Variants in PCDHGA7 observed in about 807,000 individuals in gnomAD.
PCDHGA7 encodes protocadherin gamma subfamily A, 7, also known as protocadherin gamma-A7.
Under a neutral mutation model 58.3 loss-of-function variants are expected in PCDHGA7, and 44 were observed. The ratio of observed to expected loss-of-function variants is 0.75; its 90% CI spans 0.59 to 0.97. PCDHGA7 has a LOEUF of 0.97. Ranked by LOEUF, PCDHGA7 falls within the 50% of genes least tolerant of loss-of-function variation. PCDHGA7 has a pLI of 0.00. For missense variants in PCDHGA7, 1,266 were observed against 1,188.7 expected (o/e 1.06, Z -0.96); for synonymous variants, 516 against 504.2 (o/e 1.02, Z -0.31).
In PCDHGA7 at chr5:141,490,007, C is replaced by T. The variant is rs766407642; in HGVS notation, c.2425-4800C>T. On this transcript the variant is annotated intron_variant, in intron 1 of 3. Coordinates refer to ENST00000518325, the MANE Select transcript of PCDHGA7 (RefSeq NM_018920.4). The surrounding 1 kb of genome is among the most constrained non-coding windows in gnomAD (Gnocchi z 5.4). ...CGTGTGGGAATCCCAGAGAATGCACCCATTGGTACTCTGCTGCTCCGCCTC... is the reference window on the plus strand; with the variant it reads ...CGTGTGGGAATCCCAGAGAATGCACTCATTGGTACTCTGCTGCTCCGCCTC... 6.2e-7 allele frequency: 1 copy of T among 1,614,200 alleles called. No homozygotes were observed. The highest frequency in any genetic ancestry group is 8.5e-7 in the Non-Finnish European group (1 of 1,180,016).
At chr5:141,501,569 G>A (rs1401631416) in intron 2 of PCDHGA7, among the ~76,000 whole-genome samples, 3 of 151,998 alleles carry the variant, frequency 2.0e-5, no homozygotes, top group African/African-American at 7.2e-5. Flanking sequence ...AATCATATTA[G>A]GCTGGCTTTC....
intron 1 of PCDHGA7, chr5:141,415,170 C>T (rs781724309): frequency 3.7e-6 from 6 of 1,613,878 alleles, no homozygotes; most frequent in South Asian, 2.2e-5. Flanking sequence ...TCACGCTCAC[C>T]GTGGCCGTGG....
chr5:141,389,230 T>G, intron 1 of PCDHGA7: 1 of 1,613,936 alleles, frequency 6.2e-7, no homozygotes, highest in Non-Finnish European at 8.5e-7. Flanking sequence ...AACGCTCCGG[T>G]TTTCTCACAG....
intron 1 of PCDHGA7, among the ~76,000 whole-genome samples, chr5:141,436,677 G>T (rs966497986): frequency 2.2e-4 from 33 of 152,278 alleles, no homozygotes; most frequent in Non-Finnish European, 2.9e-5. Flanking sequence ...CCAAAAAAAG[G>T]ATTTATATTT....
intron 1 of PCDHGA7, among the ~76,000 whole-genome samples, chr5:141,475,341 C>T (rs1306106224): frequency 6.6e-6 from 1 of 152,162 alleles, no homozygotes; most frequent in Non-Finnish European, 1.5e-5. Context: ...CAATGACATC[C>T]AGTTTTAAAA....
chr5:141,509,601 G>A (rs2099877534), intron 3 of PCDHGA7, among the ~76,000 whole-genome samples: 1 of 152,144 alleles, frequency 6.6e-6, no homozygotes, highest in Non-Finnish European at 1.5e-5. Flanking sequence ...ATTCCGAGAG[G>A]CTGCATTCTA....
chr5:141,387,086 A>G (rs761672201), intron 1 of PCDHGA7, among the ~76,000 whole-genome samples: 4 of 152,226 alleles, frequency 2.6e-5, no homozygotes, highest in Non-Finnish European at 5.9e-5. Context: ...GCCTGTGATC[A>G]TCGAAATGAG....
At chr5:141,423,852 G>T (rs796757517) in intron 1 of PCDHGA7, 36 of 1,279,400 alleles carry the variant, frequency 2.8e-5, no homozygotes, top group Non-Finnish European at 3.5e-5. Context: ...CTTTCAGAAC[G>T]TTTTTGTGAA....
chr5:141,504,228 C>T lies in PCDHGA7; in HGVS notation c.2484-1165C>T, dbSNP rs114896014. Among the ~76,000 whole-genome samples, 193 of 152,312 alleles carry T rather than the reference C, an allele frequency of 1.3e-3. 1 individual carries two copies. The highest frequency in any genetic ancestry group is 2.1e-3 in the Admixed American group (32 of 15,304). ...AAAATTCCAAGTAGAGCTGAACCTT[C>T]TAAGAAGCAGAGAGTTCTTCTTATG... On this transcript the variant is annotated intron_variant, in intron 2 of 3. Coordinates refer to ENST00000518325, the MANE Select transcript of PCDHGA7 (RefSeq NM_018920.4).
chr5:141,436,406 G>T (rs1403133377), intron 1 of PCDHGA7, among the ~76,000 whole-genome samples: 3 of 152,308 alleles, frequency 2.0e-5, no homozygotes, highest in East Asian at 3.9e-4. Context: ...GTTGTTGAAT[G>T]AATGGATAAA....
chr5:141,435,454 T>C (rs1407615505), intron 1 of PCDHGA7, among the ~76,000 whole-genome samples: 1 of 152,220 alleles, frequency 6.6e-6, no homozygotes, highest in Non-Finnish European at 1.5e-5. Flanking sequence ...ACGATATCTG[T>C]ATGTGTTTCC....
chr5:141,461,595 A>C (rs2099018386), intron 1 of PCDHGA7, among the ~76,000 whole-genome samples: 1 of 152,144 alleles, frequency 6.6e-6, no homozygotes, highest in East Asian at 1.9e-4. Flanking sequence ...TATTTCCATT[A>C]TAATTTAGTT....
At chr5:141,510,124 A>G (rs2099879540) in intron 3 of PCDHGA7, among the ~76,000 whole-genome samples, 1 of 152,156 alleles carries the variant, frequency 6.6e-6, no homozygotes, top group Admixed American at 6.5e-5. Context: ...AAATACAAAA[A>G]TTAGCTGGGC....
chr5:141,421,464 T>A lies in PCDHGA7; in HGVS notation c.2424+36141T>A, dbSNP rs773727821. ...GGAAGACACAGCTTTTCGCTGTGAA[T>A]CCGCGAAGCGGCAGCTTGATCACGG... On this transcript the variant is annotated intron_variant, in intron 1 of 3. Transcript: ENST00000518325. 17 of 1,613,972 alleles carry A rather than the reference T, an allele frequency of 1.1e-5. No individual in the cohort carries two copies. In the East Asian group the frequency reaches 3.6e-4, roughly 34 times the overall value.
Position 141,383,599 on chromosome 5 carries a change from G to T in PCDHGA7, c.700G>T (p.Asp234Tyr). The T allele has an allele frequency of 1.2e-6, 2 of 1,613,742 alleles. No homozygotes were observed. The highest frequency in any genetic ancestry group is 8.5e-7 in the Non-Finnish European group (1 of 1,179,880). The change falls in exon 1 of 4, where the codon GAT becomes TAT. Residue 234 changes from aspartate to tyrosine, a missense_variant. By Grantham distance (160) the Asp-to-Tyr change is radical. Transcript: ENST00000518325. Reference protein sequence around the residue: ...STAHIQVTVVDVNDHTPVFSL... With the variant: ...STAHIQVTVVYVNDHTPVFSL... ...CGCCCACATCCAGGTGACAGTGGTG[G>T]ATGTGAATGACCACACGCCTGTCTT...
chr5:141,508,269 C>G (rs1459186158), intron 3 of PCDHGA7: 1 of 152,186 alleles, frequency 6.6e-6, no homozygotes, highest in Non-Finnish European at 1.5e-5. Flanking sequence ...GAGAAAATCC[C>G]GGTCCTTGAC....
chr5:141,407,345 T>C (rs1025383467), intron 1 of PCDHGA7, among the ~76,000 whole-genome samples: 2 of 152,188 alleles, frequency 1.3e-5, no homozygotes, highest in African/African-American at 4.8e-5. Flanking sequence ...TGTATGTTAA[T>C]TTGGGGAAAA....
chr5:141,403,553 G>T, intron 1 of PCDHGA7: 6 of 1,613,980 alleles, frequency 3.7e-6, no homozygotes, highest in Non-Finnish European at 5.1e-6. Flanking sequence ...GCGCGCCCTG[G>T]ACAGGGAGGA....
rs35821115 is a variant in PCDHGA7, at chr5:141,460,961, ATGTG to A, written c.2425-33826_2425-33823del. 3.6e-3 allele frequency among the ~76,000 whole-genome samples: 519 copies of A among 144,600 alleles called. 3 individuals carry two copies. The highest frequency in any genetic ancestry group is 4.3e-3 in the African/African-American group (168 of 38,712). The allele number at this position is 144,600 out of a possible 152,430, so 94.9% of individuals were successfully genotyped here. A position where few individuals can be genotyped will look rare whatever the true frequency, so the allele number is the denominator to read the frequency against. ...ATATATATGTATTATGTATATATAT[ATGTG>A]TGTGTGTGTGTGTGTGTGTATATAT... On this transcript the variant is annotated intron_variant, in intron 1 of 3. Transcript: ENST00000518325.
Sources: gnomAD v4.1 joint callset for allele counts (sites outside exome capture counted in the v4.1 genomes callset) on GRCh38, gnomAD v4.1.1 for gene constraint, Gnocchi (gnomAD v3.1) non-coding constraint, MANE v1.5 for transcripts, NCBI Gene and HGNC (gene_info 2026-07-23, HGNC 2026-07-21) for gene names.